The following SORCS3 variants were observed in gnomAD, a reference collection of about 807,000 sequenced individuals.
SORCS3 encodes the protein VPS10 domain-containing receptor SorCS3.
In SORCS3, 57 loss-of-function variants were observed where a neutral mutation model predicts 146.3. That is an observed-to-expected ratio of 0.39 (90% CI 0.31 to 0.49). SORCS3 has a LOEUF of 0.49. Ranked by LOEUF, SORCS3 falls within the 20% of genes least tolerant of loss-of-function variation. The probability of loss-of-function intolerance (pLI) is 0.92; values close to 1 mark genes in which losing one functional copy is unlikely to be tolerated. For synonymous variants in SORCS3, 653 were observed against 618.5 expected, an observed-to-expected ratio of 1.06 and a Z score of -0.83; for missense variants, 1,341 against 1,575.5, an observed-to-expected ratio of 0.85 and a Z score of 2.52.
chr10:104,790,469 G>C (rs1252444619), intron 1 of SORCS3, among the ~76,000 whole-genome samples: 1 of 152,184 alleles, frequency 6.6e-6, no homozygotes. Context: ...CCATTGGAAG[G>C]TCCCATCTCT....
intron 2 of SORCS3, among the ~76,000 whole-genome samples, chr10:104,895,501 C>T (rs924628063): frequency 2.0e-5 from 3 of 152,198 alleles, no homozygotes; most frequent in Non-Finnish European, 2.9e-5. Flanking sequence ...TAAGAACTCT[C>T]ATGTACTGTA....
intron 5 of SORCS3, among the ~76,000 whole-genome samples, chr10:105,056,471 G>C (rs1008485919): frequency 7.9e-5 from 12 of 152,192 alleles, no homozygotes; most frequent in Non-Finnish European, 1.2e-4. Flanking sequence ...AGATTGTGAA[G>C]CACCTCACAT....
At chr10:104,824,193 T>A (rs2017909386) in intron 1 of SORCS3, among the ~76,000 whole-genome samples, 1 of 152,238 alleles carries the variant, frequency 6.6e-6, no homozygotes. Flanking sequence ...GGTAATCTGT[T>A]ACAACAGCAA....
chr10:105,222,698 C>T (rs1159978342), intron 19 of SORCS3, among the ~76,000 whole-genome samples: 1 of 152,134 alleles, frequency 6.6e-6, no homozygotes. Flanking sequence ...GATGGAAACC[C>T]ATTAACAATC....
intron 5 of SORCS3, among the ~76,000 whole-genome samples, chr10:105,079,894 C>T (rs1390972142): frequency 2.0e-5 from 3 of 152,090 alleles, no homozygotes; most frequent in Non-Finnish European, 4.4e-5. Flanking sequence ...TGATCTTGTT[C>T]TTTTTTATGG....
chr10:105,075,808 C>G (rs2055585153), intron 5 of SORCS3, among the ~76,000 whole-genome samples: 2 of 152,120 alleles, frequency 1.3e-5, no homozygotes, highest in Admixed American at 6.5e-5. Context: ...CTCCTTAAAG[C>G]TCCCAGCCCC....
At chr10:105,002,479 G>A (rs2055068132) in intron 4 of SORCS3, among the ~76,000 whole-genome samples, 1 of 152,134 alleles carries the variant, frequency 6.6e-6, no homozygotes, top group South Asian at 2.1e-4. Context: ...CTGAGCCGGG[G>A]TATAAGGGCC....
chr10:104,737,177 C>A (rs1449597861), intron 1 of SORCS3, among the ~76,000 whole-genome samples: 3 of 152,038 alleles, frequency 2.0e-5, no homozygotes, highest in Non-Finnish European at 4.4e-5. Context: ...CCAGTCTATC[C>A]CTGTTGGACA....
chr10:104,686,814 C>T (rs1038759708), intron 1 of SORCS3, among the ~76,000 whole-genome samples: 3 of 152,198 alleles, frequency 2.0e-5, no homozygotes, highest in Non-Finnish European at 4.4e-5. Context: ...TCAGGATCCT[C>T]ATACATCTGT....
chr10:105,185,028 T>C (rs1234926191), intron 14 of SORCS3, among the ~76,000 whole-genome samples: 2 of 152,216 alleles, frequency 1.3e-5, no homozygotes, highest in African/African-American at 4.8e-5. Context: ...AGTTTGACTA[T>C]TTTAGATACC....
intron 4 of SORCS3, among the ~76,000 whole-genome samples, chr10:104,999,935 T>TAGG: frequency 6.6e-6 from 1 of 152,268 alleles, no homozygotes; most frequent in East Asian, 1.9e-4. Flanking sequence ...TGTGACTACC[T>TAGG]GCCTTTTACT....
chr10:105,105,575 T>A, intron 7 of SORCS3, 60 bp downstream of exon 7: 1 of 1,200,960 alleles, frequency 8.3e-7, no homozygotes, highest in Non-Finnish European at 1.2e-6. Flanking sequence ...GGCTGCCTGC[T>A]AGGAAAAGGA....
intron 5 of SORCS3, among the ~76,000 whole-genome samples, chr10:105,073,229 C>A (rs1162526385): frequency 3.3e-5 from 5 of 152,142 alleles, no homozygotes; most frequent in Non-Finnish European, 5.9e-5. Context: ...GCTTTCTACA[C>A]CAGGAAGACT....
At chr10:105,044,643 A>T (rs1273653521) in intron 5 of SORCS3, among the ~76,000 whole-genome samples, 1 of 151,898 alleles carries the variant, frequency 6.6e-6, no homozygotes, top group Non-Finnish European at 1.5e-5. Flanking sequence ...CTATGTTTAG[A>T]TTTTAAATGA....
At chr10:104,885,825 A>G (rs2133579139) in intron 2 of SORCS3, among the ~76,000 whole-genome samples, 1 of 152,202 alleles carries the variant, frequency 6.6e-6, no homozygotes, top group Non-Finnish European at 1.5e-5. Context: ...AATTTCTCTT[A>G]GCTTTCATAA....
chr10:104,961,214 C>T (rs142390487), intron 3 of SORCS3, among the ~76,000 whole-genome samples: 11 of 152,122 alleles, frequency 7.2e-5, no homozygotes, highest in Admixed American at 1.3e-4. Flanking sequence ...AAGCAACAAA[C>T]GCCTTGGATG....
intron 20 of SORCS3, among the ~76,000 whole-genome samples, chr10:105,230,019 A>T (rs977355849): frequency 2.1e-4 from 32 of 152,164 alleles, no homozygotes; most frequent in African/African-American, 7.0e-4. Flanking sequence ...CTTCATATCT[A>T]CAATTAGTGA....
chr10:105,139,738 C>T (rs2056082847), intron 8 of SORCS3, among the ~76,000 whole-genome samples: 1 of 152,014 alleles, frequency 6.6e-6, no homozygotes, highest in African/African-American at 2.4e-5. Context: ...TGGGTCATTT[C>T]CCAGGGGCAG....
At chr10:104,943,770 G>GA (rs934117364) in intron 3 of SORCS3, among the ~76,000 whole-genome samples, 3 of 151,680 alleles carry the variant, frequency 2.0e-5, no homozygotes, top group Non-Finnish European at 2.9e-5. Flanking sequence ...GAGAATCTTG[G>GA]AAAAAAAAGT....
Sources: gnomAD v4.1 joint callset for allele counts (sites outside exome capture counted in the v4.1 genomes callset) on GRCh38, gnomAD v4.1.1 for gene constraint, MANE v1.5 for transcripts, NCBI Gene and HGNC (gene_info 2026-07-23, HGNC 2026-07-21) for gene names.